Variants in ZBTB5 observed in about 807,000 individuals in gnomAD.
ZBTB5 encodes zinc finger and BTB domain-containing protein 5.
A neutral mutation model predicts 37.9 loss-of-function variants in ZBTB5; 15 were observed. The observed-to-expected ratio is 0.40, with a 90% confidence interval of 0.26 to 0.61. ZBTB5 has a LOEUF of 0.61. ZBTB5 is among the 20% of genes least tolerant of loss of function. The pLI is 0.47. For missense variants in ZBTB5, 708 were observed against 856.8 expected (o/e 0.83, Z 2.17); for synonymous variants, 315 against 312.4 (o/e 1.01, Z -0.09).
Position 37,465,308 on chromosome 9 carries a change from T to A in ZBTB5, c.-98A>T, listed in dbSNP as rs1299288734. On this transcript the variant is annotated 5_prime_UTR_variant, in exon 1 of 2. Coordinates refer to ENST00000307750, the MANE Select transcript of ZBTB5 (RefSeq NM_014872.3). The stretch of plus-strand genomic sequence containing the variant: ...AGTGTCAGAGGAGGTGGGAACGTCC[T>A]GACCAGCGTCTCCGTTACGGGACTT... 1 of 152,054 alleles carries A rather than the reference T, an allele frequency of 6.6e-6. No homozygotes were observed. The highest frequency in any genetic ancestry group is 1.5e-5 in the Non-Finnish European group (1 of 68,038). The allele number at this position is 152,054 out of a possible 1,614,324, so 9.4% of individuals were successfully genotyped here. A position where few individuals can be genotyped will look rare whatever the true frequency, so the allele number is the denominator to read the frequency against.
rs563065664 is a variant in ZBTB5, at chr9:37,451,823, T to C, written c.-4-9268A>G. Among the ~76,000 whole-genome samples, 296 of 152,234 alleles carry C rather than the reference T, an allele frequency of 1.9e-3. 2 individuals carry two copies. The highest frequency in any genetic ancestry group is 6.8e-3 in the African/African-American group (282 of 41,538). ...CTAGGGAGTCGAAGTTGTCCTCTTA[T>C]GCTGAGTCAGTTCCTGGGTGGGGAA... On this transcript the variant is annotated intron_variant, in intron 1 of 1. Coordinates refer to ENST00000307750, the MANE Select transcript of ZBTB5 (RefSeq NM_014872.3).
chr9:37,452,553 A>G (rs1824123095), intron 1 of ZBTB5, among the ~76,000 whole-genome samples: 3 of 152,222 alleles, frequency 2.0e-5, no homozygotes, highest in Non-Finnish European at 4.4e-5. Context: ...GGCAAATCAT[A>G]AGAGAAAGAT....
intron 1 of ZBTB5, among the ~76,000 whole-genome samples, chr9:37,462,561 C>T (rs1284473681): frequency 2.0e-5 from 3 of 146,488 alleles, no homozygotes; most frequent in African/African-American, 7.8e-5. Context: ...TTGCTTTAAC[C>T]GTTTTTTTTT....
At position 37,459,007 on chromosome 9, in the gene ZBTB5, TCCTC is replaced by T. The variant is rs1824240036; in HGVS notation, c.-5+6204_-5+6207del. 2.0e-5 allele frequency among the ~76,000 whole-genome samples: 3 copies of T among 152,198 alleles called. No individual in the cohort carries two copies. The South Asian group carries it at 6.2e-4, about 31-fold the overall frequency. ...TTATCTGAAAAATCTACTGAAATAATCCTCCCTTTCCAACTACATATTTGTGTGA... is the reference window on the plus strand; with the variant it reads ...TTATCTGAAAAATCTACTGAAATAATCCTTTCCAACTACATATTTGTGTGA... On this transcript the variant is annotated intron_variant, in intron 1 of 1. Coordinates refer to ENST00000307750, the MANE Select transcript of ZBTB5 (RefSeq NM_014872.3).
chr9:37,464,928 C>T (rs1824363294), intron 1 of ZBTB5, among the ~76,000 whole-genome samples: 1 of 152,236 alleles, frequency 6.6e-6, no homozygotes, highest in African/African-American at 2.4e-5. Flanking sequence ...CTTTCCCACC[C>T]CATTCGGGAA....
chr9:37,438,702 C>G lies in ZBTB5; in HGVS notation c.*1816G>C, dbSNP rs879791601. The G allele has an allele frequency of 2.0e-5, 3 of 152,260 alleles. No individual in the cohort carries two copies. The highest frequency in any genetic ancestry group is 6.5e-5 in the Admixed American group (1 of 15,292). 9.4% of individuals were successfully genotyped at this position (152,260 alleles called of 1,614,324 possible). Reference sequence around the variant, plus strand: ...GTGTCCCAAGGTTAATCTCACAAGACACTGGTCCCTACATCATGTAAAGGG... The same window carrying G: ...GTGTCCCAAGGTTAATCTCACAAGAGACTGGTCCCTACATCATGTAAAGGG... On this transcript the variant is annotated 3_prime_UTR_variant, in exon 2 of 2. Transcript: ENST00000307750.
intron 1 of ZBTB5, among the ~76,000 whole-genome samples, chr9:37,445,142 T>C (rs1823952297): frequency 6.6e-6 from 1 of 151,714 alleles, no homozygotes; most frequent in Non-Finnish European, 1.5e-5. Flanking sequence ...ATGTAGTTCA[T>C]TCGTAGACAA....
intron 1 of ZBTB5, among the ~76,000 whole-genome samples, chr9:37,444,149 C>G (rs1017644448): frequency 6.6e-6 from 1 of 152,128 alleles, no homozygotes; most frequent in Non-Finnish European, 1.5e-5. Context: ...ATCTTGACTA[C>G]AGAAAGAGAA....
At chr9:37,442,714 T>C (rs766057742) in intron 1 of ZBTB5, among the ~76,000 whole-genome samples, 159 bp from the exon 2 acceptor site, 2 of 152,158 alleles carry the variant, frequency 1.3e-5, no homozygotes, top group African/African-American at 2.4e-5. Flanking sequence ...GCTTGTCATA[T>C]AAGAAGCAAA....
At chr9:37,461,528 G>A (rs909643908) in intron 1 of ZBTB5, among the ~76,000 whole-genome samples, 1 of 152,214 alleles carries the variant, frequency 6.6e-6, no homozygotes, top group African/African-American at 2.4e-5. Flanking sequence ...AGGAGTTCAA[G>A]ACCAGCCTGG....
At chr9:37,445,706 G>T (rs997279621) in intron 1 of ZBTB5, among the ~76,000 whole-genome samples, 2 of 152,030 alleles carry the variant, frequency 1.3e-5, no homozygotes, top group Non-Finnish European at 2.9e-5. Context: ...TGAAATAATT[G>T]AAAGTGGTTG....
intron 1 of ZBTB5, among the ~76,000 whole-genome samples, chr9:37,454,394 T>C (rs1824152298): frequency 6.6e-6 from 1 of 152,112 alleles, no homozygotes; most frequent in Non-Finnish European, 1.5e-5. Context: ...TCAGGTCTCT[T>C]TAAAAGGCTC....
chr9:37,463,486 G>A (rs1045267760), intron 1 of ZBTB5, among the ~76,000 whole-genome samples: 1 of 152,066 alleles, frequency 6.6e-6, no homozygotes, highest in South Asian at 2.1e-4. Context: ...AAACGAATGT[G>A]AGCCAGATTC....
intron 1 of ZBTB5, among the ~76,000 whole-genome samples, chr9:37,458,958 G>A (rs976283664): frequency 6.6e-6 from 1 of 152,304 alleles, no homozygotes. Flanking sequence ...TTTTGGTACA[G>A]TATCAGAGTA....
intron 1 of ZBTB5, among the ~76,000 whole-genome samples, chr9:37,463,186 T>C (rs529663042): frequency 1.3e-5 from 2 of 152,320 alleles, no homozygotes; most frequent in South Asian, 4.1e-4. Flanking sequence ...TGAGAACATA[T>C]GCAAAGAGCA....
intron 1 of ZBTB5, among the ~76,000 whole-genome samples, chr9:37,460,018 T>A (rs1484388498): frequency 2.0e-5 from 3 of 146,718 alleles, no homozygotes; most frequent in African/African-American, 5.1e-5. Flanking sequence ...CCATTTTTTT[T>A]AATTTTTAGT....
rs1044559477 is a variant in ZBTB5 at position 37,453,700 on chromosome 9, G to A, written c.-4-11145C>T. On this transcript the variant is annotated intron_variant, in intron 1 of 1. Transcript: ENST00000307750. ...GTTTACCAGGAGACGGAGGATCCAG[G>A]GAGACCCAGTCAACTTGGTACCCAC... Among the ~76,000 whole-genome samples, 5 of 152,228 alleles carry A rather than the reference G, an allele frequency of 3.3e-5. No homozygotes were observed. In the East Asian group the frequency reaches 9.7e-4, roughly 29 times the overall value.
At chr9:37,458,078 A>G (rs1185773479) in intron 1 of ZBTB5, among the ~76,000 whole-genome samples, 1 of 152,234 alleles carries the variant, frequency 6.6e-6, no homozygotes, top group Non-Finnish European at 1.5e-5. Context: ...GATCCTAAAC[A>G]TAAAAGTAAT....
chr9:37,461,128 A>G (rs957525763), intron 1 of ZBTB5, among the ~76,000 whole-genome samples: 1 of 152,198 alleles, frequency 6.6e-6, no homozygotes, highest in Admixed American at 6.5e-5. Context: ...TCTATTCAAA[A>G]TAAGTACAAT....
Sources: allele counts gnomAD v4.1 joint callset (sites outside exome capture counted in the v4.1 genomes callset), GRCh38; gene constraint gnomAD v4.1.1; transcripts MANE v1.5; gene names NCBI Gene and HGNC (gene_info 2026-07-23, HGNC 2026-07-21).